The following CENPW variants were observed in gnomAD, a reference collection of about 807,000 sequenced individuals.
CENPW encodes centromere protein W, also known as cancer-up-regulated gene 2 protein.
A neutral mutation model predicts 11.1 loss-of-function variants in CENPW; 3 were observed. That is an observed-to-expected ratio of 0.27 (90% CI 0.12 to 0.70). The LOEUF (loss-of-function observed/expected upper bound fraction) is 0.70. Among genes scored for constraint, CENPW ranks in the 30% least tolerant of loss-of-function variants. CENPW has a pLI of 0.77. For synonymous variants in CENPW, 38 were observed against 42.0 expected, an observed-to-expected ratio of 0.91 and a Z score of 0.37; for missense variants, 100 against 105.6, an observed-to-expected ratio of 0.95 and a Z score of 0.23.
chr6:126,481,670 G>A, the CENPW span, among the ~76,000 whole-genome samples: 4 of 151,940 alleles, frequency 2.6e-5, no homozygotes, highest in Admixed American at 6.6e-5. Context: ...TAATGCTGTC[G>A]CAGTAGCAAT....
chr6:126,346,706 A>G (rs1230755196), intron 2 of CENPW, among the ~76,000 whole-genome samples: 1 of 152,172 alleles, frequency 6.6e-6, no homozygotes, highest in African/African-American at 2.4e-5. Context: ...TTATTTATAA[A>G]GGAAAGAGAA....
At chr6:126,412,016 A>G in the CENPW span, among the ~76,000 whole-genome samples, 56 of 7,726 alleles carry the variant, frequency 7.2e-3, no homozygotes, top group African/African-American at 0.029. Flanking sequence ...TCTCCCTCCC[A>G]CTCCCTCCCT....
chr6:126,465,005 T>C, the CENPW span, among the ~76,000 whole-genome samples: 1 of 152,192 alleles, frequency 6.6e-6, no homozygotes. Context: ...CTGGAGGTTC[T>C]AGTGAGTACA....
chr6:126,367,568 A>G, the CENPW span, among the ~76,000 whole-genome samples: 1 of 152,202 alleles, frequency 6.6e-6, no homozygotes, highest in Non-Finnish European at 1.5e-5. Flanking sequence ...ACTCCAGATT[A>G]GAGTGTAGCA....
the CENPW span, among the ~76,000 whole-genome samples, chr6:126,472,102 G>A: frequency 3.8e-3 from 585 of 152,048 alleles, 7 homozygotes; most frequent in Middle Eastern, 0.01. Flanking sequence ...TATAAGCTTC[G>A]CCAATATTAT....
downstream of CENPW, among the ~76,000 whole-genome samples, chr6:126,353,813 G>C (rs928459957): frequency 6.6e-6 from 1 of 151,738 alleles, no homozygotes; most frequent in Non-Finnish European, 1.5e-5. Flanking sequence ...GGCTATTTCT[G>C]TTGACTTGTC....
chr6:126,369,412 C>T, the CENPW span, among the ~76,000 whole-genome samples: 1 of 152,096 alleles, frequency 6.6e-6, no homozygotes, highest in African/African-American at 2.4e-5. Flanking sequence ...GGAAAAGTGT[C>T]CCCTTTTCAC....
At chr6:126,430,202 C>T in the CENPW span, among the ~76,000 whole-genome samples, 13 of 152,214 alleles carry the variant, frequency 8.5e-5, no homozygotes, top group African/African-American at 2.2e-4. Context: ...TTGATTTATT[C>T]GCATCATGTC....
chr6:126,424,310 G>C, the CENPW span, among the ~76,000 whole-genome samples: 2 of 152,050 alleles, frequency 1.3e-5, no homozygotes, highest in Non-Finnish European at 2.9e-5. Context: ...TGACATATTT[G>C]AATATATGGT....
the CENPW span, among the ~76,000 whole-genome samples, chr6:126,421,047 T>G: frequency 6.6e-6 from 1 of 152,116 alleles, no homozygotes. Flanking sequence ...GAAAGATCAT[T>G]AGAAAGATAA....
At chr6:126,427,517 T>G in the CENPW span, among the ~76,000 whole-genome samples, 1 of 152,196 alleles carries the variant, frequency 6.6e-6, no homozygotes, top group Non-Finnish European at 1.5e-5. Context: ...CATTTAGTGT[T>G]ATAACTTCTA....
the CENPW span, among the ~76,000 whole-genome samples, chr6:126,460,716 C>T: frequency 6.6e-6 from 1 of 151,856 alleles, no homozygotes; most frequent in East Asian, 1.9e-4. Context: ...GAACCTGGCT[C>T]AGTTTCTAAT....
chr6:126,401,637 C>G, the CENPW span, among the ~76,000 whole-genome samples: 2 of 151,856 alleles, frequency 1.3e-5, no homozygotes, highest in African/African-American at 4.8e-5. Flanking sequence ...TTGCCCTTCT[C>G]TCAGTGGCTT....
At chr6:126,472,349 G>T in the CENPW span, among the ~76,000 whole-genome samples, 3 of 152,162 alleles carry the variant, frequency 2.0e-5, no homozygotes, top group African/African-American at 7.2e-5. Context: ...CTACTGATTT[G>T]CCTTCTGTCA....
At chr6:126,356,985 C>T in the CENPW span, among the ~76,000 whole-genome samples, 32 of 152,084 alleles carry the variant, frequency 2.1e-4, no homozygotes, top group Non-Finnish European at 4.1e-4. Flanking sequence ...GTTGCCATTG[C>T]TTTTGGAGAC....
At chr6:126,417,108 G>C in the CENPW span, among the ~76,000 whole-genome samples, 8 of 152,228 alleles carry the variant, frequency 5.3e-5, no homozygotes, top group Non-Finnish European at 8.8e-5. Context: ...CCCACCTCCT[G>C]CATCAGTGTG....
chr6:126,376,905 A>G, the CENPW span, among the ~76,000 whole-genome samples: 3 of 152,084 alleles, frequency 2.0e-5, no homozygotes, highest in Non-Finnish European at 4.4e-5. Context: ...TGTGGTAGGT[A>G]TGTCGGTTTT....
chr6:126,354,501 C>A, the CENPW span, among the ~76,000 whole-genome samples: 1 of 152,064 alleles, frequency 6.6e-6, no homozygotes, highest in Non-Finnish European at 1.5e-5. Context: ...AACATAATAT[C>A]TACGTACAAA....
chr6:126,413,885 T>C, the CENPW span, among the ~76,000 whole-genome samples: 2 of 151,926 alleles, frequency 1.3e-5, no homozygotes, highest in South Asian at 4.1e-4. Flanking sequence ...GCTGAATGGA[T>C]TTTTTAAAAT....
Sources: gnomAD v4.1 joint callset for allele counts (sites outside exome capture counted in the v4.1 genomes callset) on GRCh38, gnomAD v4.1.1 for gene constraint, MANE v1.5 for transcripts, NCBI Gene and HGNC (gene_info 2026-07-23, HGNC 2026-07-21) for gene names.